The following DCC variants were observed in gnomAD, a reference collection of about 807,000 sequenced individuals.
The protein encoded by DCC is netrin receptor DCC.
Under a neutral mutation model 172.5 loss-of-function variants are expected in DCC, and 58 were observed. The observed-to-expected ratio is 0.34, with a 90% CI of 0.27 to 0.42. The LOEUF (loss-of-function observed/expected upper bound fraction) is 0.42. Among genes scored for constraint, DCC ranks in the 10% least tolerant of loss-of-function variants. DCC has a pLI of 1.00. For synonymous variants in DCC, 709 were observed against 644.5 expected (o/e 1.10, Z -1.52); for missense variants, 1,740 against 1,791.0 (o/e 0.97, Z 0.51).
At chr18:53,206,900 C>A (rs1427105805) in intron 10 of DCC, among the ~76,000 whole-genome samples, 2 of 151,596 alleles carry the variant, frequency 1.3e-5, no homozygotes, top group Non-Finnish European at 2.9e-5. Context: ...ATTTTATATT[C>A]AAAAATAGCT....
intron 1 of DCC, among the ~76,000 whole-genome samples, chr18:52,511,779 T>C (rs558434988): frequency 5.7e-4 from 87 of 152,314 alleles, no homozygotes; most frequent in Non-Finnish European, 7.6e-4. Context: ...AAACAATTTA[T>C]TTAAAGTATT....
rs1482076874 is a variant in DCC at position 52,906,303 on chromosome 18, T to C, written c.672T>C (p.Asn224=). 4.4e-5 allele frequency: 71 copies of C among 1,613,840 alleles called. No individual in the cohort carries two copies. The highest frequency in any genetic ancestry group is 5.8e-5 in the Non-Finnish European group (69 of 1,180,030). The change falls in exon 3 of 29, where the codon AAT becomes AAC. Residue 224 remains asparagine, a synonymous_variant. Transcript: ENST00000442544. ...ATCCAGCCAGCTCAAGAACAGGAAATGAAGCAGAAGTCAGAATTTTATCAG... is the reference window on the plus strand; with the variant it reads ...ATCCAGCCAGCTCAAGAACAGGAAACGAAGCAGAAGTCAGAATTTTATCAG... ...ARNPASSRTG[N]EAEVRILSDP... is the part of the protein sequence containing the mutation.
chr18:52,632,625 C>T (rs554840769), intron 1 of DCC, among the ~76,000 whole-genome samples: 1 of 152,288 alleles, frequency 6.6e-6, no homozygotes, highest in East Asian at 1.9e-4. Flanking sequence ...GCTCTTTTCT[C>T]CTGTTATCCT....
At chr18:53,362,010 G>C (rs1398862550) in intron 15 of DCC, among the ~76,000 whole-genome samples, 2 of 152,028 alleles carry the variant, frequency 1.3e-5, no homozygotes, top group Non-Finnish European at 2.9e-5. Flanking sequence ...GGGCAGAAAG[G>C]TGATTATTTT....
At chr18:53,352,262 G>C (rs1391331309) in intron 15 of DCC, among the ~76,000 whole-genome samples, 1 of 152,082 alleles carries the variant, frequency 6.6e-6, no homozygotes, top group Non-Finnish European at 1.5e-5. Context: ...TAATCATAGA[G>C]GTATTTATTA....
chr18:52,971,158 G>A (rs1371146311), intron 5 of DCC, among the ~76,000 whole-genome samples: 1 of 152,048 alleles, frequency 6.6e-6, no homozygotes, highest in African/African-American at 2.4e-5. Context: ...TTTTTCCTTG[G>A]CCTTTTCTTT....
intron 2 of DCC, among the ~76,000 whole-genome samples, chr18:52,822,888 C>T (rs1338568982): frequency 6.6e-5 from 10 of 152,030 alleles, no homozygotes; most frequent in Non-Finnish European, 1.3e-4. Flanking sequence ...ATTAATGGAC[C>T]ATCTAGGCCA....
At chr18:52,799,220 C>T (rs748612618) in intron 2 of DCC, among the ~76,000 whole-genome samples, 3 of 152,188 alleles carry the variant, frequency 2.0e-5, no homozygotes, top group African/African-American at 4.8e-5. Context: ...ACACATTCAG[C>T]GGAGCTAACA....
At chr18:52,633,112 C>CTTCCT (rs79476075) in intron 1 of DCC, among the ~76,000 whole-genome samples, 9 of 142,342 alleles carry the variant, frequency 6.3e-5, no homozygotes, top group South Asian at 2.3e-4. Flanking sequence ...CTTTCTCTTT[C>CTTCCT]TTCCTTTCCT....
At chr18:53,226,883 A>G (rs1410312588) in intron 12 of DCC, among the ~76,000 whole-genome samples, 1 of 148,054 alleles carries the variant, frequency 6.8e-6, no homozygotes, top group Non-Finnish European at 1.5e-5. Flanking sequence ...ATATTAGTTA[A>G]GTATAGAATA....
At chr18:53,070,951 A>T (rs2042643677) in intron 7 of DCC, among the ~76,000 whole-genome samples, 1 of 152,226 alleles carries the variant, frequency 6.6e-6, no homozygotes, top group South Asian at 2.1e-4. Flanking sequence ...GAGGCTGACC[A>T]TGGTGGGAAG....
intron 12 of DCC, among the ~76,000 whole-genome samples, chr18:53,297,857 C>T (rs113495430): frequency 4.6e-5 from 7 of 152,294 alleles, no homozygotes; most frequent in South Asian, 2.1e-4. Flanking sequence ...AATCTGCTGA[C>T]GCTTGAAGTC....
intron 14 of DCC, among the ~76,000 whole-genome samples, chr18:53,333,398 G>A (rs1402938433): frequency 6.6e-6 from 1 of 152,206 alleles, no homozygotes; most frequent in Non-Finnish European, 1.5e-5. Flanking sequence ...TCCATAAAAT[G>A]CAGCACGCTA....
chr18:53,243,681 A>G (rs2056332384), intron 12 of DCC, among the ~76,000 whole-genome samples: 2 of 152,118 alleles, frequency 1.3e-5, no homozygotes, highest in African/African-American at 4.8e-5. Flanking sequence ...CTTGGAAACT[A>G]TCATCAGGAT....
At chr18:52,598,028 A>G (rs932312347) in intron 1 of DCC, among the ~76,000 whole-genome samples, 1 of 152,198 alleles carries the variant, frequency 6.6e-6, no homozygotes, top group South Asian at 2.1e-4. Flanking sequence ...CATGTTAGGC[A>G]GTATAACGTT....
At chr18:53,412,185 T>C (rs758217767) in intron 20 of DCC, among the ~76,000 whole-genome samples, 7 of 152,204 alleles carry the variant, frequency 4.6e-5, no homozygotes, top group Non-Finnish European at 7.3e-5. Context: ...CAGGAATTTG[T>C]TCTATGACAT....
chr18:52,448,111 G>A (rs1188638650), intron 1 of DCC, among the ~76,000 whole-genome samples: 1 of 152,180 alleles, frequency 6.6e-6, no homozygotes, highest in African/African-American at 2.4e-5. Flanking sequence ...AGTGGTAGGT[G>A]AGCATTTCTG....
intron 14 of DCC, among the ~76,000 whole-genome samples, chr18:53,327,786 G>T (rs898720642): frequency 1.3e-5 from 2 of 152,170 alleles, no homozygotes; most frequent in African/African-American, 4.8e-5. Flanking sequence ...TTCACTTGAT[G>T]CTCATATGGG....
chr18:52,781,800 CAA>C (rs35173396), intron 2 of DCC, among the ~76,000 whole-genome samples: 8,021 of 152,020 alleles, frequency 0.053, 281 homozygotes, highest in South Asian at 0.16. Flanking sequence ...AATTTTTAAA[CAA>C]AATTCTCATC....
Sources: gnomAD v4.1 joint callset for allele counts (sites outside exome capture counted in the v4.1 genomes callset) on GRCh38, gnomAD v4.1.1 for gene constraint, MANE v1.5 for transcripts, NCBI Gene and HGNC (gene_info 2026-07-23, HGNC 2026-07-21) for gene names.